SLC5A9: variants seen among roughly 807,000 people sequenced by gnomAD.
SLC5A9 encodes the protein sodium/glucose cotransporter 4.
A neutral mutation model predicts 70.9 loss-of-function variants in SLC5A9; 59 were observed. The ratio of observed to expected loss-of-function variants is 0.83; its 90% confidence interval spans 0.68 to 1.03. The LOEUF is 1.03. Among genes scored for constraint, SLC5A9 ranks in the 50% least tolerant of loss-of-function variants. The pLI, the probability that SLC5A9 is intolerant of heterozygous loss-of-function variation, is 0.00. For missense variants in SLC5A9, 832 were observed against 881.1 expected (o/e 0.94, Z 0.71); for synonymous variants, 340 against 346.5 (o/e 0.98, Z 0.21).
chr1:48,233,327 C>G (rs575470369), intron 8 of SLC5A9, among the ~76,000 whole-genome samples: 1 of 129,532 alleles, frequency 7.7e-6, no homozygotes, highest in South Asian at 2.5e-4. Flanking sequence ...CTCCATTGCA[C>G]TCTAGCCTGA....
chr1:48,230,327 C>T (rs568568114), intron 4 of SLC5A9, among the ~76,000 whole-genome samples: 1 of 152,346 alleles, frequency 6.6e-6, no homozygotes, highest in African/African-American at 2.4e-5. Context: ...CTTCATTCCT[C>T]ACCACTCCCT....
rs1644364651 is a variant in SLC5A9, at chr1:48,239,249, G to A, written c.1462-73G>A. On this transcript the variant is annotated intron_variant, in intron 11 of 13. Coordinates refer to ENST00000438567, the MANE Select transcript of SLC5A9 (RefSeq NM_001011547.3). The surrounding 1 kb of genome is among the most constrained non-coding windows in gnomAD (Gnocchi z 4.2). ...TAAACCAGTGGGAGAGAGATTTGGG[G>A]AGAGAGTAGTTTTACCTTCCTAGGG... The A allele has an allele frequency of 5.6e-6, 6 of 1,079,232 alleles. No individual in the cohort carries two copies. Among genetic ancestry groups the A allele is most frequent in the Non-Finnish European group, 8.2e-6 (6 of 732,218 alleles). The allele number at this position is 1,079,232 out of a possible 1,614,324, so 66.9% of individuals were successfully genotyped here. A position where few individuals can be genotyped will look rare whatever the true frequency, so the allele number is the denominator to read the frequency against.
chr1:48,225,853 C>T (rs1043813224), intron 2 of SLC5A9, among the ~76,000 whole-genome samples: 2 of 152,170 alleles, frequency 1.3e-5, no homozygotes, highest in Admixed American at 6.5e-5. Flanking sequence ...TGCTCCTTTA[C>T]ATACTTACAC....
rs149032192 is a variant in SLC5A9 at position 48,247,349 on chromosome 1, T to C, written c.1852T>C (p.Trp618Arg). The C allele has an allele frequency of 3.5e-5, 56 of 1,614,074 alleles. No homozygotes were observed. The East Asian group carries it at 1.2e-3, about 35-fold the overall frequency. The change falls in exon 14 of 14, where the codon TGG (tryptophan) becomes CGG (arginine). Residue 618 changes from tryptophan to arginine, a missense_variant. Transcript: ENST00000438567. Reference protein sequence around the residue: ...QEQPEAPSRSWGKLLWSWFCG... With the variant: ...QEQPEAPSRSRGKLLWSWFCG... ...TGTCCCTCCAGCCCCAAGCAGGTCC[T>C]GGGGAAAGTTGCTCTGGAGCTGGTT...
At chr1:48,228,531 T>C (rs771138514) in intron 2 of SLC5A9, 12 of 317,822 alleles carry the variant, frequency 3.8e-5, no homozygotes, top group Non-Finnish European at 6.0e-5. Context: ...CTCAGACCCA[T>C]GGCCTCAGGG....
Position 48,232,552 on chromosome 1 carries a change from AGT to A in SLC5A9, c.1033+53_1033+54del, listed in dbSNP as rs1557474377. The stretch of plus-strand genomic sequence containing the variant: ...GTATTGGGATCTGAGGCTTTCAAGG[AGT>A]GTCTGGAGAATGGGAATGTGGCCCT... On this transcript the variant is annotated intron_variant, in intron 8 of 13. Transcript: ENST00000438567. The A allele has an allele frequency of 2.5e-6, 4 of 1,605,240 alleles. No individual in the cohort carries two copies. In the South Asian group the frequency reaches 4.4e-5, roughly 18 times the overall value.
At chr1:48,242,323 C>A (rs1644400289) in intron 12 of SLC5A9, 134 bp from the exon 13 acceptor site, 2 of 1,065,300 alleles carry the variant, frequency 1.9e-6, no homozygotes. Context: ...TCCGGGCCTC[C>A]TGACTCCCAG....
rs773544150 is a variant in SLC5A9 at position 48,231,957 on chromosome 1, G to A, written c.703G>A (p.Val235Met). Reference sequence around the variant, plus strand: ...CTGTCTCCTCACAGGCTTTCAGGACGTGGGCTGGTACCCAGGCCTGGAGCA... The same window carrying A: ...CTGTCTCCTCACAGGCTTTCAGGACATGGGCTGGTACCCAGGCCTGGAGCA... The part of the protein sequence containing the change: ...LVLMFLGFQD[V>M]GWYPGLEQRY... The change falls in exon 7 of 14, where the codon GTG becomes ATG. Residue 235 changes from valine (V) to methionine (M), a missense_variant. Coordinates refer to ENST00000438567, the MANE Select transcript of SLC5A9 (RefSeq NM_001011547.3). 2.0e-5 allele frequency: 33 copies of A among 1,614,014 alleles called. No individual in the cohort carries two copies. The highest frequency in any genetic ancestry group is 2.0e-4 in the East Asian group (9 of 44,882).
intron 13 of SLC5A9, among the ~76,000 whole-genome samples, chr1:48,244,812 A>ATTATATTTATATTATATATATAAT: frequency 7.9e-6 from 1 of 126,492 alleles, no homozygotes; most frequent in African/African-American, 3.2e-5. Context: ...TTATATATAA[A>ATTATATTTATATTATATATATAAT]TTATATTTAT....
intron 4 of SLC5A9, 27 bp downstream of exon 4, chr1:48,229,486 G>A (rs772360886): frequency 1.9e-6 from 3 of 1,611,568 alleles, no homozygotes; most frequent in South Asian, 1.1e-5. Context: ...TGTGGTCACT[G>A]TGTCTGGAAA....
In SLC5A9 at chr1:48,235,790, C is replaced by T; in HGVS notation, c.1203C>T (p.Ile401=). 6.2e-7 allele frequency: 1 copy of T among 1,614,242 alleles called. No homozygotes were observed. The highest frequency in any genetic ancestry group is 8.5e-7 in the Non-Finnish European group (1 of 1,180,042). ...MAALMSSLTS[I]FNSSSTLFTI... ...CTCTCATGAGCTCACTCACCTCCAT[C>T]TTCAACAGCAGCAGCACCCTGTTCA... The change falls in exon 10 of 14, where the codon ATC becomes ATT. Residue 401 remains isoleucine (I), a synonymous_variant. Transcript: ENST00000438567.
At position 48,226,354 on chromosome 1, in the gene SLC5A9, G is replaced by A. The variant is rs377460136; in HGVS notation, c.234+1559G>A. Among the ~76,000 whole-genome samples, 6 of 152,242 alleles carry A rather than the reference G, an allele frequency of 3.9e-5. No individual in the cohort carries two copies. In the South Asian group the frequency reaches 6.2e-4, roughly 16 times the overall value. Reference sequence around the variant, plus strand: ...ACAGAGAGCCGAGCTCTGGCCCAACGATTAGTGTGAGGAACCTGAGGCCTC... The same window carrying A: ...ACAGAGAGCCGAGCTCTGGCCCAACAATTAGTGTGAGGAACCTGAGGCCTC... On this transcript the variant is annotated intron_variant, in intron 2 of 13. Transcript: ENST00000438567.
rs115154824 is a variant in SLC5A9, at chr1:48,232,643, T to C, written c.1033+141T>C. 853 of 1,121,868 alleles carry C rather than the reference T, an allele frequency of 7.6e-4. 12 individuals are homozygous for C. In the African/African-American group the frequency reaches 0.012, roughly 15 times the overall value. 69.5% of individuals were successfully genotyped at this position (1,121,868 alleles called of 1,614,324 possible). On this transcript the variant is annotated intron_variant, in intron 8 of 13. Coordinates refer to ENST00000438567, the MANE Select transcript of SLC5A9 (RefSeq NM_001011547.3). The stretch of plus-strand genomic sequence containing the variant: ...TCTATTAAGAATACATAGCCGGTCA[T>C]GGTGGCATGCACCCATAGACCCAGC...
chr1:48,231,515 G>A (rs1365335584), intron 5 of SLC5A9, 30 bp from the exon 6 acceptor site: 11 of 1,612,358 alleles, frequency 6.8e-6, no homozygotes, highest in Non-Finnish European at 8.5e-6. Flanking sequence ...AACTGGTGCT[G>A]ACTGATGAGC....
At chr1:48,224,925 T>A in intron 2 of SLC5A9, 130 bp downstream of exon 2, 1 of 916,652 alleles carries the variant, frequency 1.1e-6, no homozygotes. Flanking sequence ...GTTTCCTGAC[T>A]CTGGGCCCCT....
intron 2 of SLC5A9, among the ~76,000 whole-genome samples, chr1:48,227,658 G>A (rs1644183876): frequency 6.6e-6 from 1 of 152,124 alleles, no homozygotes; most frequent in South Asian, 2.1e-4. Flanking sequence ...GTGTGTGTGT[G>A]AGTGTACATG....
At position 48,233,674 on chromosome 1, in the gene SLC5A9, C is replaced by T; in HGVS notation, c.1053C>T (p.Asp351=). The change falls in exon 9 of 14, where the codon GAC becomes GAT. Residue 351 remains aspartate (D), a synonymous_variant. Transcript: ENST00000438567. ...ALFPDEVGCV[D]PDVCQRICGA... ...CCACAGACGAGGTGGGCTGCGTGGA[C>T]CCTGATGTCTGCCAAAGAATCTGTG... The T allele has an allele frequency of 6.2e-7, 1 of 1,613,956 alleles. No homozygotes were observed. The highest frequency in any genetic ancestry group is 8.5e-7 in the Non-Finnish European group (1 of 1,179,980).
Position 48,229,052 on chromosome 1 carries a change from G to A in SLC5A9, c.339+98G>A, listed in dbSNP as rs758784936. 5 of 1,613,900 alleles carry A rather than the reference G, an allele frequency of 3.1e-6. No individual in the cohort carries two copies. In the East Asian group the frequency reaches 1.1e-4, roughly 36 times the overall value. ...GAGGATCCTTAGAGATGCCTGGGAGGCTACATGGTGAATCGAGAATCCATT... is the reference window on the plus strand; with the variant it reads ...GAGGATCCTTAGAGATGCCTGGGAGACTACATGGTGAATCGAGAATCCATT... On this transcript the variant is annotated intron_variant, in intron 3 of 13. Transcript: ENST00000438567.
chr1:48,247,701 GACA>G lies in SLC5A9; in HGVS notation c.*160_*162del. On this transcript the variant is annotated 3_prime_UTR_variant, in exon 14 of 14. Transcript: ENST00000438567. ...AGAATCCAACTCAACCTGCACACTT[GACA>G]AGTGGAGAAACAGAAGCCCAGAGAG... 1 of 690,808 alleles carries G rather than the reference GACA, an allele frequency of 1.4e-6. No individual in the cohort carries two copies. The highest frequency in any genetic ancestry group is 2.5e-6 in the Non-Finnish European group (1 of 406,816). The allele number at this position is 690,808 out of a possible 1,614,324, so 42.8% of individuals were successfully genotyped here.
Sources: gnomAD v4.1 joint callset for allele counts (sites outside exome capture counted in the v4.1 genomes callset) on GRCh38, gnomAD v4.1.1 for gene constraint, Gnocchi (gnomAD v3.1) non-coding constraint, MANE v1.5 for transcripts, NCBI Gene and HGNC (gene_info 2026-07-23, HGNC 2026-07-21) for gene names.